The following SCUBE3 variants were observed in gnomAD, a reference collection of about 807,000 sequenced individuals.
The protein encoded by SCUBE3 is signal peptide, CUB domain and EGF like domain containing 3, also known as signal peptide, CUB and EGF-like domain-containing protein 3.
A neutral mutation model predicts 116.8 loss-of-function variants in SCUBE3; 33 were observed. The observed-to-expected ratio is 0.28, with a 90% CI of 0.21 to 0.38. The LOEUF (loss-of-function observed/expected upper bound fraction) is 0.38. Among genes scored for constraint, SCUBE3 ranks in the 10% least tolerant of loss-of-function variants. The pLI is 1.00. For synonymous variants in SCUBE3, 418 were observed against 496.9 expected, an observed-to-expected ratio of 0.84 and a Z score of 2.11; for missense variants, 1,007 against 1,324.8, an observed-to-expected ratio of 0.76 and a Z score of 3.72.
At chr6:35,215,061 G>C (rs1230754195) in intron 1 of SCUBE3, among the ~76,000 whole-genome samples, 3 of 152,214 alleles carry the variant, frequency 2.0e-5, no homozygotes, top group Non-Finnish European at 2.9e-5. Context: ...GGCTGAAGAA[G>C]AGAAGAAAAT....
Position 35,214,526 on chromosome 6 carries a change from C to T in SCUBE3, c.85+23C>T. 1 of 1,430,880 alleles carries T rather than the reference C, an allele frequency of 7.0e-7. No homozygotes were observed. Among genetic ancestry groups the T allele is most frequent in the Non-Finnish European group, 9.2e-7 (1 of 1,082,706 alleles). 88.6% of individuals were successfully genotyped at this position (1,430,880 alleles called of 1,614,324 possible). Reference sequence around the variant, plus strand: ...AAGGTAAGGAAGGAGGGGCGCGCGGCCTGGGGGCTGTCCTGGCTGCTGGGC... The same window carrying T: ...AAGGTAAGGAAGGAGGGGCGCGCGGTCTGGGGGCTGTCCTGGCTGCTGGGC... On this transcript the variant is annotated intron_variant, in intron 1 of 21. Transcript: ENST00000274938. The surrounding 1 kb of genome is among the most constrained non-coding windows in gnomAD (Gnocchi z 6.3).
Position 35,234,916 on chromosome 6 carries a change from C to G in SCUBE3, c.712+1615C>G, listed in dbSNP as rs373658407. Among the ~76,000 whole-genome samples, 5 of 152,368 alleles carry G rather than the reference C, an allele frequency of 3.3e-5. No individual in the cohort carries two copies. The East Asian group carries it at 5.8e-4, about 18-fold the overall frequency. Reference sequence around the variant, plus strand: ...ATGAGGCAGAAAAGACCAAATGAGGCTATTCTGGGGTTTACAGCTATATTC... The same window carrying G: ...ATGAGGCAGAAAAGACCAAATGAGGGTATTCTGGGGTTTACAGCTATATTC... On this transcript the variant is annotated intron_variant, in intron 6 of 21. Coordinates refer to ENST00000274938, the MANE Select transcript of SCUBE3 (RefSeq NM_152753.4).
In SCUBE3 at chr6:35,241,727, T is replaced by C. The variant is rs1208895034; in HGVS notation, c.1312+68T>C. The C allele has an allele frequency of 5.3e-6, 8 of 1,495,824 alleles. No individual in the cohort carries two copies. Among genetic ancestry groups the C allele is most frequent in the South Asian group, 3.4e-5 (3 of 88,772 alleles). 92.7% of individuals were successfully genotyped at this position (1,495,824 alleles called of 1,614,324 possible). On this transcript the variant is annotated intron_variant, in intron 11 of 21. Coordinates refer to ENST00000274938, the MANE Select transcript of SCUBE3 (RefSeq NM_152753.4). The surrounding 1 kb of genome is among the most constrained non-coding windows in gnomAD (Gnocchi z 4.1). ...AGGAAGGACTGGCCGTTCAGGCAGC[T>C]CCTTCATTCCCCCTGGATTCCTCCA...
In SCUBE3 at chr6:35,244,039, T is replaced by G; in HGVS notation, c.2148T>G (p.Pro716=). Residue 716 remains proline (P), a synonymous_variant, in exon 17 of 22, where the codon CCT becomes CCG. Transcript: ENST00000274938. The surrounding 1 kb of genome is among the most constrained non-coding windows in gnomAD (Gnocchi z 4.3). ...CATGCCCACGTGGCACCTACCAACCTGAAGCAGGACGGACCCTATGCTTCC... is the reference window on the plus strand; with the variant it reads ...CATGCCCACGTGGCACCTACCAACCGGAAGCAGGACGGACCCTATGCTTCC... ...CQPCPRGTYQ[P]EAGRTLCFPC... The G allele has an allele frequency of 6.2e-7, 1 of 1,614,092 alleles. No homozygotes were observed.
Position 35,235,417 on chromosome 6 carries a change from C to T in SCUBE3, c.712+2116C>T, listed in dbSNP as rs1006155524. The stretch of plus-strand genomic sequence containing the variant: ...GGCCACAGTGGCTTCTGCCCAGCAC[C>T]TAAACAGCTTTTTTACAATGTCAAA... On this transcript the variant is annotated intron_variant, in intron 6 of 21. Coordinates refer to ENST00000274938, the MANE Select transcript of SCUBE3 (RefSeq NM_152753.4). The surrounding 1 kb of genome is among the most constrained non-coding windows in gnomAD (Gnocchi z 4.5). 2 of 1,244,516 alleles carry T rather than the reference C, an allele frequency of 1.6e-6. No individual in the cohort carries two copies. The highest frequency in any genetic ancestry group is 5.6e-5 in the East Asian group (1 of 17,880). The allele number at this position is 1,244,516 out of a possible 1,614,324, so 77.1% of individuals were successfully genotyped here.
Position 35,238,241 on chromosome 6 carries a change from G to C in SCUBE3, c.829+223G>C, listed in dbSNP as rs1783864066. ...GTGCCCCCTTCCCCTACCCCACCTT[G>C]TTTCCCTACTCTCATTCCTATCCCC... On this transcript the variant is annotated intron_variant, in intron 7 of 21. Transcript: ENST00000274938. Among the ~76,000 whole-genome samples, 3 of 152,146 alleles carry C rather than the reference G, an allele frequency of 2.0e-5. No homozygotes were observed. In the South Asian group the frequency reaches 6.2e-4, roughly 32 times the overall value.
At chr6:35,242,059 C>A in intron 12 of SCUBE3, 145 bp from the exon 13 acceptor site, 1 of 834,412 alleles carries the variant, frequency 1.2e-6, no homozygotes, top group Non-Finnish European at 2.1e-6. Context: ...ACTCCCTCTG[C>A]CCTAACATCT....
intron 1 of SCUBE3, chr6:35,222,382 C>T (rs375148912): frequency 5.3e-5 from 8 of 152,234 alleles, no homozygotes; most frequent in African/African-American, 1.7e-4. Flanking sequence ...CCCTCTGACC[C>T]TCATATCCCA....
At position 35,214,331 on chromosome 6, in the gene SCUBE3, C is replaced by A. The variant is rs1782797100; in HGVS notation, c.-88C>A. The stretch of plus-strand genomic sequence containing the variant: ...CCCGGCGGGGCGCCCCCTCCCCTCC[C>A]CCTCCTGCGAGCTGGGATCCGGCCG... On this transcript the variant is annotated 5_prime_UTR_variant, in exon 1 of 22. Transcript: ENST00000274938. The surrounding 1 kb of genome is among the most constrained non-coding windows in gnomAD (Gnocchi z 6.3). 1.1e-5 allele frequency: 9 copies of A among 785,744 alleles called. No individual in the cohort carries two copies. The South Asian group carries it at 3.2e-4, about 28-fold the overall frequency. 48.7% of individuals were successfully genotyped at this position (785,744 alleles called of 1,614,324 possible). A position where few individuals can be genotyped will look rare whatever the true frequency, so the allele number is the denominator to read the frequency against.
rs142723180 is a variant in SCUBE3, at chr6:35,251,977, T to G, written c.*3272T>G. On this transcript the variant is annotated 3_prime_UTR_variant, in exon 22 of 22. Coordinates refer to ENST00000274938, the MANE Select transcript of SCUBE3 (RefSeq NM_152753.4). Reference sequence around the variant, plus strand: ...CCCTTCATGAAGCAACCCAGAGGCCTCTCTGCAGCGTGTAGGGTGTGGGGC... The same window carrying G: ...CCCTTCATGAAGCAACCCAGAGGCCGCTCTGCAGCGTGTAGGGTGTGGGGC... The G allele has an allele frequency of 6.6e-6, 1 of 152,236 alleles. No individual in the cohort carries two copies. The highest frequency in any genetic ancestry group is 1.5e-5 in the Non-Finnish European group (1 of 68,074). 9.4% of individuals were successfully genotyped at this position (152,236 alleles called of 1,614,324 possible).
intron 6 of SCUBE3, among the ~76,000 whole-genome samples, chr6:35,234,575 T>G (rs1329931947): frequency 6.6e-6 from 1 of 152,208 alleles, no homozygotes; most frequent in African/African-American, 2.4e-5. Flanking sequence ...CTCATTGCCT[T>G]CTTTGGGCTG....
chr6:35,230,805 C>A (rs1783516509), intron 3 of SCUBE3, among the ~76,000 whole-genome samples: 1 of 152,168 alleles, frequency 6.6e-6, no homozygotes, highest in Admixed American at 6.5e-5. Context: ...GCAGATGAAG[C>A]CCTCAGGAGC....
chr6:35,221,531 G>A (rs565659977), intron 1 of SCUBE3: 1 of 152,178 alleles, frequency 6.6e-6, no homozygotes, highest in South Asian at 2.1e-4. Flanking sequence ...CCATCCACTC[G>A]TCTATCTGTT....
At chr6:35,237,764 T>C (rs1929849) in intron 6 of SCUBE3, 138 bp from the exon 7 acceptor site, 495,504 of 607,506 alleles carry the variant, frequency 0.82, 203,969 homozygotes, top group Non-Finnish European at 0.85. Flanking sequence ...GAGCCTCCCT[T>C]GGCTTAATGC....
At position 35,228,556 on chromosome 6, in the gene SCUBE3, G is replaced by T; in HGVS notation, c.209-58G>T. 2 of 1,596,856 alleles carry T rather than the reference G, an allele frequency of 1.3e-6. No individual in the cohort carries two copies. Among genetic ancestry groups the T allele is most frequent in the East Asian group, 2.2e-5 (1 of 44,588 alleles). ...AAACACAACCATAAGGCTGAGTCTG[G>T]GGGTGGACAGTGGGTTCGCAGGTGG... On this transcript the variant is annotated intron_variant, in intron 2 of 21. Coordinates refer to ENST00000274938, the MANE Select transcript of SCUBE3 (RefSeq NM_152753.4). The surrounding 1 kb of genome is among the most constrained non-coding windows in gnomAD (Gnocchi z 4.9).
intron 21 of SCUBE3, among the ~76,000 whole-genome samples, chr6:35,247,889 A>G (rs1196949101): frequency 6.6e-6 from 1 of 152,162 alleles, no homozygotes; most frequent in Non-Finnish European, 1.5e-5. Flanking sequence ...CTCTAAGGAG[A>G]AGAGACCCAA....
chr6:35,221,850 G>GT (rs1465037172), intron 1 of SCUBE3: 2 of 152,250 alleles, frequency 1.3e-5, no homozygotes, highest in East Asian at 1.9e-4. Context: ...GAGCCTGACA[G>GT]TAAGTCTTAG....
chr6:35,247,280 T>A (rs1455655142), intron 21 of SCUBE3, among the ~76,000 whole-genome samples: 2 of 150,170 alleles, frequency 1.3e-5, no homozygotes, highest in African/African-American at 4.9e-5. Flanking sequence ...ACTAAAAAAA[T>A]ACAAAAAATT....
rs1183419612 is a variant in SCUBE3, at chr6:35,239,834, G to C, written c.912G>C (p.Lys304Asn). The C allele has an allele frequency of 5.0e-6, 8 of 1,611,430 alleles. No homozygotes were observed. Among genetic ancestry groups the C allele is most frequent in the Non-Finnish European group, 2.5e-6 (3 of 1,179,234 alleles). ...NTVGSFECSC[K>N]KGYKLLINER... ...TGGGCAGCTTCGAATGCAGTTGCAA[G>C]AAAGGCTATAAGCTTCTCATCAATG... The change falls in exon 8 of 22, where the codon AAG becomes AAC. Residue 304 changes from lysine (K) to asparagine (N), a missense_variant. Coordinates refer to ENST00000274938, the MANE Select transcript of SCUBE3 (RefSeq NM_152753.4). The surrounding 1 kb of genome is among the most constrained non-coding windows in gnomAD (Gnocchi z 4.1).
Sources: allele counts gnomAD v4.1 joint callset (sites outside exome capture counted in the v4.1 genomes callset), GRCh38; gene constraint gnomAD v4.1.1; non-coding constraint Gnocchi (gnomAD v3.1); transcripts MANE v1.5; gene names NCBI Gene and HGNC (gene_info 2026-07-23, HGNC 2026-07-21).